The following SPAG16 variants were observed in gnomAD, a reference collection of about 807,000 sequenced individuals.
SPAG16 encodes sperm associated antigen 16.
Under a neutral mutation model 80.4 loss-of-function variants are expected in SPAG16, and 86 were observed. The observed-to-expected ratio is 1.07, with a 90% CI of 0.90 to 1.28. The LOEUF (loss-of-function observed/expected upper bound fraction) is 1.28, where lower values mean the gene tolerates loss of function less well. SPAG16 is among the 50% of genes most tolerant of loss of function. The probability of loss-of-function intolerance (pLI) is 0.00; values close to 1 mark genes in which losing one functional copy is unlikely to be tolerated. For missense variants in SPAG16, 870 were observed against 765.3 expected, an observed-to-expected ratio of 1.14 and a Z score of -1.61; for synonymous variants, 294 against 265.9, an observed-to-expected ratio of 1.11 and a Z score of -1.03.
rs191283321 is a variant in SPAG16 at position 214,196,875 on chromosome 2, T to A, written c.1720+47609T>A. 2.0e-5 allele frequency among the ~76,000 whole-genome samples: 3 copies of A among 152,170 alleles called. No homozygotes were observed. The East Asian group carries it at 5.8e-4, about 29-fold the overall frequency. Reference sequence around the variant, plus strand: ...CATCAAAACCACAGAGCCTACAATTTTCTCGCTTTATATTCGGTTGAAAAA... The same window carrying A: ...CATCAAAACCACAGAGCCTACAATTATCTCGCTTTATATTCGGTTGAAAAA... On this transcript the variant is annotated intron_variant, in intron 15 of 15. Transcript: ENST00000331683.
intron 10 of SPAG16, among the ~76,000 whole-genome samples, chr2:213,759,994 C>T (rs994836835): frequency 2.6e-5 from 4 of 151,612 alleles, no homozygotes; most frequent in Non-Finnish European, 5.9e-5. Flanking sequence ...AAGATTGTGC[C>T]ATGGCACTCC....
chr2:214,032,531 A>G (rs1177921690), intron 13 of SPAG16, among the ~76,000 whole-genome samples: 2 of 152,190 alleles, frequency 1.3e-5, no homozygotes, highest in Non-Finnish European at 2.9e-5. Flanking sequence ...ACAAAGGAGC[A>G]GGAATACAGC....
chr2:213,975,417 TTTA>T (rs2106393666), intron 12 of SPAG16, among the ~76,000 whole-genome samples: 1 of 151,790 alleles, frequency 6.6e-6, no homozygotes, highest in South Asian at 2.1e-4. Flanking sequence ...AAAATGACAA[TTTA>T]TTAACATGTT....
At chr2:214,047,236 A>G (rs2049377538) in intron 13 of SPAG16, among the ~76,000 whole-genome samples, 1 of 152,132 alleles carries the variant, frequency 6.6e-6, no homozygotes, top group Non-Finnish European at 1.5e-5. Context: ...AAGCTATCCT[A>G]AGCAAAAAAG....
chr2:214,097,567 A>T (rs1199825255), intron 13 of SPAG16, among the ~76,000 whole-genome samples: 10 of 151,958 alleles, frequency 6.6e-5, no homozygotes, highest in Non-Finnish European at 1.3e-4. Flanking sequence ...TAACATCAAA[A>T]ATCTTGACCC....
At chr2:214,367,183 TAA>T (rs1699531099) in intron 15 of SPAG16, among the ~76,000 whole-genome samples, 1 of 152,130 alleles carries the variant, frequency 6.6e-6, no homozygotes, top group African/African-American at 2.4e-5. Context: ...CAGAAAAGGT[TAA>T]GAGTGATGAA....
At chr2:214,067,486 G>C (rs1559754209) in intron 13 of SPAG16, among the ~76,000 whole-genome samples, 1 of 152,002 alleles carries the variant, frequency 6.6e-6, no homozygotes, top group South Asian at 2.1e-4. Flanking sequence ...TGGGACACTG[G>C]TCCACCTGAG....
At chr2:213,525,334 G>T (rs1471221734) in intron 10 of SPAG16, among the ~76,000 whole-genome samples, 1 of 141,966 alleles carries the variant, frequency 7.0e-6, no homozygotes, top group Non-Finnish European at 1.5e-5. Context: ...GTTCACCCAG[G>T]CTGGAGTGCA....
intron 12 of SPAG16, among the ~76,000 whole-genome samples, chr2:213,996,033 C>T (rs1374757117): frequency 6.6e-6 from 1 of 152,204 alleles, no homozygotes; most frequent in Non-Finnish European, 1.5e-5. Context: ...CTTAGAGTTT[C>T]ATAAAAGATG....
chr2:214,129,875 C>G (rs140450141), intron 14 of SPAG16, among the ~76,000 whole-genome samples: 1 of 152,206 alleles, frequency 6.6e-6, no homozygotes, highest in African/African-American at 2.4e-5. Flanking sequence ...GATTTATTTT[C>G]AACACCTGGT....
At chr2:214,236,849 A>C (rs918925949) in intron 15 of SPAG16, among the ~76,000 whole-genome samples, 1 of 152,236 alleles carries the variant, frequency 6.6e-6, no homozygotes. Context: ...AAATAACCAT[A>C]AGGCTATGGC....
intron 10 of SPAG16, among the ~76,000 whole-genome samples, chr2:213,681,948 A>G (rs2064409867): frequency 6.6e-6 from 1 of 152,176 alleles, no homozygotes; most frequent in Non-Finnish European, 1.5e-5. Flanking sequence ...GACATTACCC[A>G]GATCCAGGCT....
chr2:213,552,007 A>C (rs532216187), intron 10 of SPAG16, among the ~76,000 whole-genome samples: 70 of 152,186 alleles, frequency 4.6e-4, no homozygotes, highest in African/African-American at 1.6e-3. Context: ...TGCTACTCCA[A>C]GTTTGGGCAT....
At chr2:213,804,943 C>T (rs2071675999) in intron 10 of SPAG16, among the ~76,000 whole-genome samples, 1 of 152,102 alleles carries the variant, frequency 6.6e-6, no homozygotes, top group South Asian at 2.1e-4. Context: ...GGAAGCCATT[C>T]AAAGACTTTA....
chr2:214,359,743 G>T (rs993108491), intron 15 of SPAG16, among the ~76,000 whole-genome samples: 1 of 151,792 alleles, frequency 6.6e-6, no homozygotes, highest in Non-Finnish European at 1.5e-5. Flanking sequence ...TATCAGTAAA[G>T]AATTAATTAA....
At chr2:213,427,108 A>T (rs1326517610) in intron 9 of SPAG16, among the ~76,000 whole-genome samples, 1 of 152,146 alleles carries the variant, frequency 6.6e-6, no homozygotes. Context: ...CAAAGTAAAA[A>T]TAATGATAAT....
Position 213,488,995 on chromosome 2 carries a change from A to G in SPAG16, c.943-968A>G, listed in dbSNP as rs1302202209. On this transcript the variant is annotated intron_variant, in intron 9 of 15. Transcript: ENST00000331683. ...GAGGCTGAGGCACGGGAATCGCCTGAATCCGGAAGGCGGAGGTTGCAGTGA... is the reference window on the plus strand; with the variant it reads ...GAGGCTGAGGCACGGGAATCGCCTGGATCCGGAAGGCGGAGGTTGCAGTGA... Among the ~76,000 whole-genome samples the G allele has an allele frequency of 1.3e-5, 2 of 148,714 alleles. 1 individual carries two copies. The highest frequency in any genetic ancestry group is 3.0e-5 in the Non-Finnish European group (2 of 66,348).
chr2:213,304,393 T>C (rs930572742), intron 3 of SPAG16, among the ~76,000 whole-genome samples: 1 of 152,170 alleles, frequency 6.6e-6, no homozygotes, highest in African/African-American at 2.4e-5. Context: ...ATCCCATTTG[T>C]CTATTACTTG....
intron 10 of SPAG16, among the ~76,000 whole-genome samples, chr2:213,792,672 C>A (rs1362130473): frequency 2.0e-5 from 3 of 149,916 alleles, no homozygotes; most frequent in South Asian, 2.1e-4. Flanking sequence ...CAACCTCCGC[C>A]TCCTGGGTTC....
Sources: allele counts gnomAD v4.1 joint callset (sites outside exome capture counted in the v4.1 genomes callset), GRCh38; gene constraint gnomAD v4.1.1; transcripts MANE v1.5; gene names NCBI Gene and HGNC (gene_info 2026-07-23, HGNC 2026-07-21).